Variants in AGBL1 observed in about 807,000 individuals in gnomAD.
AGBL1 encodes AGBL carboxypeptidase 1, also known as cytosolic carboxypeptidase 4.
A neutral mutation model predicts 118.9 loss-of-function variants in AGBL1; 130 were observed. That is an observed-to-expected ratio of 1.09 (90% CI 0.95 to 1.26). The LOEUF (loss-of-function observed/expected upper bound fraction) is 1.26, where lower values mean the gene tolerates loss of function less well. Among genes scored for constraint, AGBL1 ranks in the 50% most tolerant of loss-of-function variants. The pLI is 0.00. For missense variants in AGBL1, 1,584 were observed against 1,298.1 expected (o/e 1.22, Z -3.38); for synonymous variants, 555 against 478.9 (o/e 1.16, Z -2.08).
intron 22 of AGBL1, among the ~76,000 whole-genome samples, chr15:86,834,004 A>C (rs572982970): frequency 1.3e-3 from 203 of 152,256 alleles, no homozygotes; most frequent in Middle Eastern, 6.8e-3. Context: ...TACAACTCTC[A>C]TAAGCCCATA....
intron 24 of AGBL1, among the ~76,000 whole-genome samples, chr15:86,995,551 A>AG (rs11424306): frequency 0.098 from 14,970 of 152,210 alleles, 1,298 homozygotes; most frequent in African/African-American, 0.23. Context: ...ATGTGTCAAA[A>AG]TTCAAAAAGC....
intron 22 of AGBL1, among the ~76,000 whole-genome samples, chr15:86,728,871 T>A (rs984067146): frequency 2.6e-5 from 4 of 152,148 alleles, no homozygotes; most frequent in African/African-American, 9.7e-5. Flanking sequence ...AACCTGCACA[T>A]CCAGATTTAG....
At chr15:86,789,508 G>A (rs1403427612) in intron 22 of AGBL1, among the ~76,000 whole-genome samples, 1 of 152,116 alleles carries the variant, frequency 6.6e-6, no homozygotes, top group East Asian at 1.9e-4. Flanking sequence ...GAATACAAAT[G>A]GACTTGATTC....
At chr15:86,612,399 A>C (rs1231469547) in intron 21 of AGBL1, among the ~76,000 whole-genome samples, 1 of 149,698 alleles carries the variant, frequency 6.7e-6, no homozygotes, top group African/African-American at 2.5e-5. Flanking sequence ...AGGGGATTCC[A>C]AAAAAACCTG....
At chr15:86,981,335 G>A (rs765895004) in intron 23 of AGBL1, among the ~76,000 whole-genome samples, 3 of 152,092 alleles carry the variant, frequency 2.0e-5, no homozygotes, top group South Asian at 2.1e-4. Context: ...TAGTTGCATC[G>A]TACAGTCTCA....
chr15:86,473,056 A>G (rs757507951), intron 18 of AGBL1, among the ~76,000 whole-genome samples: 35 of 152,220 alleles, frequency 2.3e-4, no homozygotes, highest in Non-Finnish European at 4.4e-4. Context: ...TTACTTTAAC[A>G]TTAGATTAAA....
chr15:86,197,304 G>A (rs949074529), intron 5 of AGBL1, among the ~76,000 whole-genome samples: 2 of 152,160 alleles, frequency 1.3e-5, no homozygotes, highest in African/African-American at 2.4e-5. Flanking sequence ...GAGGAGAGAC[G>A]CAGAGAAAGC....
At chr15:86,174,090 G>T (rs373534133) in intron 5 of AGBL1, among the ~76,000 whole-genome samples, 47 of 152,090 alleles carry the variant, frequency 3.1e-4, no homozygotes, top group Non-Finnish European at 4.4e-4. Flanking sequence ...ATGAGCATGG[G>T]TGTCTTTCCA....
rs2081317732 is a variant in AGBL1, at chr15:86,393,480, G to A, written c.2375-3886G>A. ...CAAAAATCACAAAGAGAGTGATGTG[G>A]AATTATAGAACCGAAAATAGGATAC... On this transcript the variant is annotated intron_variant, in intron 17 of 22. Transcript: ENST00000614907. Among the ~76,000 whole-genome samples, 3 of 152,268 alleles carry A rather than the reference G, an allele frequency of 2.0e-5. No homozygotes were observed. The South Asian group carries it at 6.2e-4, about 32-fold the overall frequency.
At chr15:86,175,341 C>T (rs2077469089) in intron 5 of AGBL1, among the ~76,000 whole-genome samples, 1 of 152,052 alleles carries the variant, frequency 6.6e-6, no homozygotes, top group African/African-American at 2.4e-5. Context: ...CTTTGTACTT[C>T]TGTGGTATCA....
chr15:86,268,454 A>T (rs911986865), intron 13 of AGBL1, among the ~76,000 whole-genome samples: 1 of 152,212 alleles, frequency 6.6e-6, no homozygotes, highest in Non-Finnish European at 1.5e-5. Context: ...CTGGTGGAAC[A>T]GTTATCAGAT....
intron 5 of AGBL1, among the ~76,000 whole-genome samples, chr15:86,223,305 C>T (rs1361043480): frequency 6.6e-6 from 1 of 152,158 alleles, no homozygotes; most frequent in East Asian, 1.9e-4. Flanking sequence ...GGGTTAGGCG[C>T]CTTGCTTGGG....
At chr15:86,509,648 T>G (rs1395338655) in intron 18 of AGBL1, among the ~76,000 whole-genome samples, 2 of 149,564 alleles carry the variant, frequency 1.3e-5, no homozygotes, top group African/African-American at 4.9e-5. Flanking sequence ...TAATAAATCT[T>G]AGACAATTTT....
rs201970599 is a variant in AGBL1 at position 86,618,069 on chromosome 15, GA to G, written c.2995-56201del. On this transcript the variant is annotated intron_variant, in intron 21 of 22. Transcript: ENST00000614907. The stretch of plus-strand genomic sequence containing the variant: ...TTTAACATTTCTCATGCATATCTTG[GA>G]AACTGAAGTCTTGATGGAATATTCA... Among the ~76,000 whole-genome samples, 193 of 152,150 alleles carry G rather than the reference GA, an allele frequency of 1.3e-3. 3 individuals carry two copies. The East Asian group carries it at 0.015, about 12-fold the overall frequency.
rs191470799 is a variant in AGBL1, at chr15:86,508,339, A to G, written c.2556-14471A>G. On this transcript the variant is annotated intron_variant, in intron 18 of 22. Coordinates refer to ENST00000614907, the MANE Select transcript of AGBL1 (RefSeq NM_001386094.1). ...ACCAACACAAAAGCTTTTCTGTAAC[A>G]AAACAGTACAAAGTGTGTTAAGAGA... Among the ~76,000 whole-genome samples, 4 of 152,262 alleles carry G rather than the reference A, an allele frequency of 2.6e-5. No individual in the cohort carries two copies. The East Asian group carries it at 5.8e-4, about 22-fold the overall frequency.
chr15:86,985,776 T>G (rs1326753090), intron 23 of AGBL1, among the ~76,000 whole-genome samples: 1 of 152,188 alleles, frequency 6.6e-6, no homozygotes, highest in Admixed American at 6.5e-5. Flanking sequence ...TTTATATTGT[T>G]GCTGTTGTAT....
chr15:86,725,316 G>A (rs537411763), intron 22 of AGBL1, among the ~76,000 whole-genome samples: 12 of 152,244 alleles, frequency 7.9e-5, no homozygotes, highest in South Asian at 6.2e-4. Flanking sequence ...TAGATGTTAC[G>A]GGAACACAGA....
At chr15:86,087,448 A>T (rs971630390) in intron 1 of AGBL1, among the ~76,000 whole-genome samples, 20 of 150,770 alleles carry the variant, frequency 1.3e-4, no homozygotes, top group African/African-American at 4.9e-4. Flanking sequence ...CCTGCCTCAG[A>T]CTCCTGAGTA....
chr15:86,648,099 T>C (rs2142487034), intron 21 of AGBL1, among the ~76,000 whole-genome samples: 1 of 152,304 alleles, frequency 6.6e-6, no homozygotes, highest in Admixed American at 6.5e-5. Flanking sequence ...ATAAGGGGTT[T>C]GGAATTTTCT....
Sources: allele counts gnomAD v4.1 joint callset (sites outside exome capture counted in the v4.1 genomes callset), GRCh38; gene constraint gnomAD v4.1.1; transcripts MANE v1.5; gene names NCBI Gene and HGNC (gene_info 2026-07-23, HGNC 2026-07-21).